FAM53A: variants seen among roughly 807,000 people sequenced by gnomAD.
FAM53A encodes the protein protein FAM53A.
A neutral mutation model predicts 26.6 loss-of-function variants in FAM53A; 28 were observed. The observed-to-expected ratio is 1.05, with a 90% confidence interval of 0.78 to 1.45. The LOEUF (loss-of-function observed/expected upper bound fraction) is 1.45, where lower values mean the gene tolerates loss of function less well. Among genes scored for constraint, FAM53A ranks in the 40% most tolerant of loss-of-function variants. FAM53A has a pLI of 0.00. For synonymous variants in FAM53A, 290 were observed against 253.1 expected (o/e 1.15, Z -1.38); for missense variants, 650 against 575.8 (o/e 1.13, Z -1.32).
intron 1 of FAM53A, among the ~76,000 whole-genome samples, chr4:1,674,867 A>G (rs1333260583): frequency 1.3e-5 from 2 of 152,168 alleles, no homozygotes; most frequent in African/African-American, 4.8e-5. Flanking sequence ...GATGGACAGC[A>G]AGTCCCTCCC....
intron 1 of FAM53A, among the ~76,000 whole-genome samples, 197 bp from the exon 2 acceptor site, chr4:1,669,102 GAC>G (rs1429744114): frequency 1.3e-5 from 2 of 152,098 alleles, no homozygotes; most frequent in East Asian, 3.9e-4. Context: ...TAAAGGCAAA[GAC>G]ACACATTAGA....
intron 1 of FAM53A, among the ~76,000 whole-genome samples, chr4:1,679,585 C>G (rs2109065561): frequency 6.9e-6 from 1 of 145,372 alleles, no homozygotes; most frequent in South Asian, 2.2e-4. Flanking sequence ...ACTCGGGAGG[C>G]TGAGGCAGGA....
chr4:1,639,171 C>A (rs1028280576), downstream of FAM53A, among the ~76,000 whole-genome samples: 1 of 151,952 alleles, frequency 6.6e-6, no homozygotes, highest in African/African-American at 2.4e-5. Context: ...ATTGCCATGT[C>A]CTGCAGACCA....
intron 2 of FAM53A, among the ~76,000 whole-genome samples, chr4:1,660,433 CA>C (rs202072007): frequency 1.3e-4 from 19 of 144,612 alleles, no homozygotes; most frequent in South Asian, 2.2e-4. Flanking sequence ...CTGGTCTCTA[CA>C]AAAAAAAAAG....
downstream of FAM53A, among the ~76,000 whole-genome samples, chr4:1,614,630 G>A (rs914407967): frequency 1.3e-5 from 2 of 152,126 alleles, no homozygotes; most frequent in Non-Finnish European, 2.9e-5. Flanking sequence ...CGCTGCCCCT[G>A]GGGTTCTGTC....
intron 1 of FAM53A, among the ~76,000 whole-genome samples, chr4:1,620,961 G>A (rs781175446): frequency 8.5e-5 from 13 of 152,130 alleles, no homozygotes; most frequent in African/African-American, 1.2e-4. Context: ...CCACCTCCTC[G>A]CATGTGGCTT....
At chr4:1,680,234 A>T (rs1715325123) in intron 1 of FAM53A, among the ~76,000 whole-genome samples, 1 of 140,342 alleles carries the variant, frequency 7.1e-6, no homozygotes, top group East Asian at 2.4e-4. Flanking sequence ...CAGGAGAATC[A>T]TTTGAAACCA....
In FAM53A at chr4:1,673,514, A is replaced by G. The variant is rs192514013; in HGVS notation, c.-164-4609T>C. Among the ~76,000 whole-genome samples, 656 of 152,310 alleles carry G rather than the reference A, an allele frequency of 4.3e-3. 6 individuals are homozygous for G. The highest frequency in any genetic ancestry group is 0.015 in the African/African-American group (630 of 41,576). Reference sequence around the variant, plus strand: ...CTTGGGAGGCCGAGGAGGGTAGATCAGGAGGTCAGGAGATCGAGACCAACC... The same window carrying G: ...CTTGGGAGGCCGAGGAGGGTAGATCGGGAGGTCAGGAGATCGAGACCAACC... On this transcript the variant is annotated intron_variant, in intron 1 of 4. Transcript: ENST00000308132.
chr4:1,621,989 AC>A (rs1715058887), intron 1 of FAM53A, among the ~76,000 whole-genome samples: 1 of 152,106 alleles, frequency 6.6e-6, no homozygotes, highest in African/African-American at 2.4e-5. Context: ...TGTCTTGGGA[AC>A]GGGGCACATA....
At chr4:1,672,697 T>C (rs1313170178) in intron 1 of FAM53A, among the ~76,000 whole-genome samples, 2 of 150,310 alleles carry the variant, frequency 1.3e-5, no homozygotes, top group East Asian at 3.9e-4. Flanking sequence ...CAGCGATCAA[T>C]GTGAACACCC....
At chr4:1,664,033 A>G (rs1577138159) in intron 2 of FAM53A, among the ~76,000 whole-genome samples, 2 of 152,148 alleles carry the variant, frequency 1.3e-5, no homozygotes, top group African/African-American at 4.8e-5. Context: ...CTGGGTCCTC[A>G]ACACACAAGC....
At chr4:1,617,910 G>A (rs763359831), downstream of FAM53A, 1 of 398,832 alleles carries the variant, frequency 2.5e-6, no homozygotes, top group African/African-American at 2.1e-5. Flanking sequence ...GCAGTCGGCA[G>A]CTGCTGGTGA....
the FAM53A span, among the ~76,000 whole-genome samples, chr4:1,599,055 C>CCT: frequency 1.3e-5 from 2 of 152,364 alleles, no homozygotes; most frequent in East Asian, 3.9e-4. The surrounding 1 kb of genome is among the most constrained non-coding windows in gnomAD (Gnocchi z 6.1). Flanking sequence ...CCTGGCAGAC[C>CCT]CTTCGTCACC....
rs536682239 is a variant in FAM53A, at chr4:1,640,612, C to T, written c.*681G>A. 3.4e-4 allele frequency: 126 copies of T among 374,674 alleles called. 1 individual carries two copies. Among genetic ancestry groups the T allele is most frequent in the African/African-American group, 2.5e-3 (114 of 44,770 alleles). The allele number at this position is 374,674 out of a possible 1,614,324, so 23.2% of individuals were successfully genotyped here. A position where few individuals can be genotyped will look rare whatever the true frequency, so the allele number is the denominator to read the frequency against. Reference sequence around the variant, plus strand: ...TTACGCCTTAATGTTCCAAGCAACACGAAACCTACTCTGTGCCCCAGGGCA... The same window carrying T: ...TTACGCCTTAATGTTCCAAGCAACATGAAACCTACTCTGTGCCCCAGGGCA... On this transcript the variant is annotated 3_prime_UTR_variant, in exon 5 of 5. Transcript: ENST00000308132.
At chr4:1,680,175 C>T (rs1715321708) in intron 1 of FAM53A, among the ~76,000 whole-genome samples, 1 of 151,452 alleles carries the variant, frequency 6.6e-6, no homozygotes, top group African/African-American at 2.4e-5. Context: ...CAAAATTAGC[C>T]GGGCATGGTG....
At chr4:1,671,623 C>A (rs1577148846) in intron 1 of FAM53A, among the ~76,000 whole-genome samples, 1 of 152,070 alleles carries the variant, frequency 6.6e-6, no homozygotes. Flanking sequence ...AGCCACGGCC[C>A]GGACTCACCT....
In FAM53A at chr4:1,680,319, CAAAAAAAAAAA is replaced by C. The variant is rs143458191; in HGVS notation, c.-165+3903_-165+3913del. On this transcript the variant is annotated intron_variant, in intron 1 of 4. Transcript: ENST00000308132. ...GGGCAACGAGAGTGAAACTCCGTCT[CAAAAAAAAAAA>C]AAAAAAAAAAAAAAACACACCACTA... Among the ~76,000 whole-genome samples, 11 of 82,696 alleles carry C rather than the reference CAAAAAAAAAAA, an allele frequency of 1.3e-4. No homozygotes were observed. In the East Asian group the frequency reaches 5.3e-3, roughly 40 times the overall value. The allele number at this position is 82,696 out of a possible 152,430, so 54.3% of individuals were successfully genotyped here.
intron 3 of FAM53A, 60 bp from the exon 4 acceptor site, chr4:1,655,783 A>G (rs1713327294): frequency 6.9e-7 from 1 of 1,454,064 alleles, no homozygotes; most frequent in Non-Finnish European, 9.0e-7. Flanking sequence ...GGCAGGCGAC[A>G]TCCATCCCGG....
At chr4:1,684,212 C>G (rs1715651906) in intron 1 of FAM53A, 21 bp downstream of exon 1, 1 of 151,014 alleles carries the variant, frequency 6.6e-6, no homozygotes. Flanking sequence ...GGCGGCGGCG[C>G]GCTCCGCCCG....
Sources: allele counts gnomAD v4.1 joint callset (sites outside exome capture counted in the v4.1 genomes callset), GRCh38; gene constraint gnomAD v4.1.1; non-coding constraint Gnocchi (gnomAD v3.1); transcripts MANE v1.5; gene names NCBI Gene and HGNC (gene_info 2026-07-23, HGNC 2026-07-21).